The following SLC35E2B variants were observed in gnomAD, a reference collection of about 807,000 sequenced individuals.
The protein encoded by SLC35E2B is solute carrier family 35, member E2B.
In SLC35E2B, 18 loss-of-function variants were observed where a neutral mutation model predicts 32.4. The observed-to-expected ratio is 0.56, with a 90% CI of 0.38 to 0.82. The LOEUF (loss-of-function observed/expected upper bound fraction) is 0.82. Among genes scored for constraint, SLC35E2B ranks in the 40% least tolerant of loss-of-function variants. The pLI, the probability that SLC35E2B is intolerant of heterozygous loss-of-function variation, is 0.00. For synonymous variants in SLC35E2B, 132 were observed against 209.1 expected, an observed-to-expected ratio of 0.63 and a Z score of 3.18; for missense variants, 263 against 469.5, an observed-to-expected ratio of 0.56 and a Z score of 4.06.
At chr1:1,690,654 A>G (rs1378669293) in intron 2 of SLC35E2B, among the ~76,000 whole-genome samples, 3 of 117,308 alleles carry the variant, frequency 2.6e-5, no homozygotes, top group Admixed American at 9.3e-5. Flanking sequence ...CAGCAGAATC[A>G]CTTGAACCTG....
At position 1,665,302 on chromosome 1, in the gene SLC35E2B, G is replaced by A; in HGVS notation, c.*480C>T. On this transcript the variant is annotated 3_prime_UTR_variant, in exon 10 of 10. Transcript: ENST00000617444. ...GAGACCCTTCCTTCCAGGGCCCTCTGTCCCCTCCCTTCGGCCCTGCTCTGT... is the reference window on the plus strand; with the variant it reads ...GAGACCCTTCCTTCCAGGGCCCTCTATCCCCTCCCTTCGGCCCTGCTCTGT... 2 of 328,910 alleles carry A rather than the reference G, an allele frequency of 6.1e-6. No individual in the cohort carries two copies. Among genetic ancestry groups the A allele is most frequent in the East Asian group, 4.8e-5 (1 of 20,836 alleles). 20.4% of individuals were successfully genotyped at this position (328,910 alleles called of 1,614,324 possible).
At chr1:1,685,434 A>T (rs1009257011) in intron 2 of SLC35E2B, among the ~76,000 whole-genome samples, 2 of 145,682 alleles carry the variant, frequency 1.4e-5, no homozygotes. Context: ...AAAAAAAAAG[A>T]AAAGGAAAAA....
At chr1:1,677,235 G>T (rs1643860529) in intron 2 of SLC35E2B, among the ~76,000 whole-genome samples, 1 of 129,708 alleles carries the variant, frequency 7.7e-6, no homozygotes, top group African/African-American at 3.0e-5. Context: ...CTCAAGAAAA[G>T]AAAAAAAGAA....
chr1:1,678,317 G>C (rs1643871147), intron 2 of SLC35E2B, among the ~76,000 whole-genome samples: 1 of 152,014 alleles, frequency 6.6e-6, no homozygotes, highest in Non-Finnish European at 1.5e-5. Flanking sequence ...GCTCAGGCCG[G>C]CCTCTCCCCC....
intron 2 of SLC35E2B, among the ~76,000 whole-genome samples, chr1:1,688,457 G>A (rs61776796): frequency 0.42 from 61,240 of 146,632 alleles, 10,118 homozygotes; most frequent in African/African-American, 0.52. Context: ...AAAATTAGCC[G>A]GGCATGATGG....
chr1:1,689,986 C>CAAA (rs763440072), intron 2 of SLC35E2B, among the ~76,000 whole-genome samples: 2 of 84,730 alleles, frequency 2.4e-5, no homozygotes, highest in East Asian at 3.7e-4. Flanking sequence ...GACCCTGTCT[C>CAAA]AAAAAAAAAA....
At chr1:1,666,081 A>G (rs1239498100) in intron 9 of SLC35E2B, 62 bp from the exon 10 acceptor site, 8 of 1,498,076 alleles carry the variant, frequency 5.3e-6, no homozygotes, top group Admixed American at 4.2e-5. Context: ...GCCCGTGGCC[A>G]GCAGCTCGGC....
intron 9 of SLC35E2B, among the ~76,000 whole-genome samples, chr1:1,667,424 T>TAAATA (rs76187963): frequency 0.68 from 102,314 of 151,110 alleles, 35,904 homozygotes; most frequent in African/African-American, 0.87. Flanking sequence ...AAAAAATAAA[T>TAAATA]AAATAAAATA....
At chr1:1,690,568 G>C (rs1463646517) in intron 2 of SLC35E2B, among the ~76,000 whole-genome samples, 1 of 129,448 alleles carries the variant, frequency 7.7e-6, no homozygotes, top group Non-Finnish European at 1.6e-5. Context: ...ATGAAACTCC[G>C]TCTCTACCAA....
Position 1,667,305 on chromosome 1 carries a change from C to T in SLC35E2B, c.980+1022G>A, listed in dbSNP as rs542303701. Among the ~76,000 whole-genome samples, 188 of 151,166 alleles carry T rather than the reference C, an allele frequency of 1.2e-3. 2 individuals are homozygous for T. Among genetic ancestry groups the T allele is most frequent in the African/African-American group, 3.9e-3 (162 of 41,220 alleles). On this transcript the variant is annotated intron_variant, in intron 9 of 9. Transcript: ENST00000617444. ...GCAGTCGCCTGTAGTCCCAGCTACT[C>T]GGGAGGCGGAGGCAGGAGAATGGCG...
chr1:1,689,965 C>G (rs1643999265), intron 2 of SLC35E2B, among the ~76,000 whole-genome samples: 1 of 139,066 alleles, frequency 7.2e-6, no homozygotes, highest in African/African-American at 2.7e-5. Context: ...CCAGCCTGGG[C>G]AACAGGGTGA....
intron 2 of SLC35E2B, among the ~76,000 whole-genome samples, chr1:1,678,004 G>A (rs764657876): frequency 6.6e-6 from 1 of 151,638 alleles, no homozygotes; most frequent in East Asian, 1.9e-4. Context: ...CAGGCAGCCC[G>A]ATTTCCTGTT....
chr1:1,665,799 G>A lies in SLC35E2B; in HGVS notation c.1201C>T (p.Pro401Ser). 6.4e-7 allele frequency: 1 copy of A among 1,550,754 alleles called. No individual in the cohort carries two copies. The highest frequency in any genetic ancestry group is 1.2e-5 in the South Asian group (1 of 84,026). ...DTVEPLLPQDPRQHP is the reference protein window; with the variant it reads ...DTVEPLLPQDSRQHP ...TCCTGCTCTCAGGGATGCTGCCTGG[G>A]GTCCTGTGGAAGCAGCGGCTCCACT... Residue 401 changes from proline (P) to serine (S), a missense_variant, in exon 10 of 10, where the codon CCC (proline) becomes TCC (serine). Pro to Ser is a moderately conservative substitution (Grantham distance 74). Around this residue, in one of 7 missense-constraint regions of SLC35E2B, gnomAD observed 78 missense variants for 71.1 expected, o/e 1.10. Coordinates refer to ENST00000617444, the MANE Select transcript of SLC35E2B (RefSeq NM_001290264.2).
chr1:1,669,555 G>T, intron 8 of SLC35E2B, 109 bp downstream of exon 8: 3 of 1,183,322 alleles, frequency 2.5e-6, no homozygotes, highest in African/African-American at 1.5e-5. Flanking sequence ...CAGCGGAGCT[G>T]GGCCCAACCA....
intron 8 of SLC35E2B, among the ~76,000 whole-genome samples, chr1:1,669,083 C>T (rs1365681688): frequency 2.6e-5 from 4 of 152,038 alleles, no homozygotes; most frequent in Admixed American, 1.3e-4. Flanking sequence ...TGGCCCTGGC[C>T]GGCAACCACA....
At chr1:1,689,044 T>C (rs981743627) in intron 2 of SLC35E2B, among the ~76,000 whole-genome samples, 10 of 151,682 alleles carry the variant, frequency 6.6e-5, no homozygotes, top group Admixed American at 3.3e-4. Context: ...TGGTGGTGGG[T>C]GCCAGTAGTC....
rs545108480 is a variant in SLC35E2B, at chr1:1,690,098, A to G, written c.-148+878T>C. ...GGAGTTCCAGATCAGTCTGACCAAC[A>G]TGGAGAAACCCCATCTCTACTAAAA... On this transcript the variant is annotated intron_variant, in intron 2 of 9. Transcript: ENST00000617444. 2.0e-5 allele frequency among the ~76,000 whole-genome samples: 3 copies of G among 150,732 alleles called. 1 individual carries two copies. The South Asian group carries it at 6.3e-4, about 32-fold the overall frequency.
chr1:1,692,719 G>C lies in SLC35E2B; in HGVS notation c.-836C>G, dbSNP rs1206584625. On this transcript the variant is annotated 5_prime_UTR_variant, in exon 1 of 10. Coordinates refer to ENST00000617444, the MANE Select transcript of SLC35E2B (RefSeq NM_001290264.2). ...GCGGGCGCCGCTCCTCAGTGCCCCA[G>C]AGCCACGGAGCCGGGGAAACGCGCC... 1.0e-6 allele frequency: 1 copy of C among 983,276 alleles called. No homozygotes were observed. The highest frequency in any genetic ancestry group is 1.2e-6 in the Non-Finnish European group (1 of 828,558). The allele number at this position is 983,276 out of a possible 1,614,324, so 60.9% of individuals were successfully genotyped here.
At chr1:1,690,323 T>C (rs1288078686) in intron 2 of SLC35E2B, among the ~76,000 whole-genome samples, 25 of 142,086 alleles carry the variant, frequency 1.8e-4, no homozygotes, top group African/African-American at 3.9e-4. Flanking sequence ...TATATATATA[T>C]ACATACCATA....
Sources: gnomAD v4.1 joint callset for allele counts (sites outside exome capture counted in the v4.1 genomes callset) on GRCh38, gnomAD v4.1.1 for gene constraint, gnomAD v4.1.1 regional missense constraint, MANE v1.5 for transcripts, NCBI Gene and HGNC (gene_info 2026-07-23, HGNC 2026-07-21) for gene names.